Variants in UBE2F observed in about 807,000 individuals in gnomAD.
UBE2F encodes the protein ubiquitin conjugating enzyme E2 F (putative), also known as NEDD8-conjugating enzyme UBE2F.
In UBE2F, 5 loss-of-function variants were observed where a neutral mutation model predicts 29.6. The observed-to-expected ratio is 0.17, with a 90% CI of 0.09 to 0.36. UBE2F has a LOEUF of 0.36. Ranked by LOEUF, UBE2F falls within the 10% of genes least tolerant of loss-of-function variation. The probability of loss-of-function intolerance (pLI) is 1.00; values close to 1 mark genes in which losing one functional copy is unlikely to be tolerated. For missense variants in UBE2F, 141 were observed against 228.5 expected (o/e 0.62, Z 2.47); for synonymous variants, 66 against 81.8 (o/e 0.81, Z 1.04).
chr2:238,011,477 C>A (rs1050950708), intron 4 of UBE2F, among the ~76,000 whole-genome samples: 1 of 152,200 alleles, frequency 6.6e-6, no homozygotes, highest in Non-Finnish European at 1.5e-5. Flanking sequence ...CTAGAATATA[C>A]GCTTCATAAG....
chr2:237,967,327 C>T lies in UBE2F; in HGVS notation c.-17+195C>T, dbSNP rs2063075825. 1.4e-5 allele frequency among the ~76,000 whole-genome samples: 2 copies of T among 146,664 alleles called. No homozygotes were observed. Among genetic ancestry groups the T allele is most frequent in the East Asian group, 3.9e-4 (2 of 5,106 alleles). On this transcript the variant is annotated intron_variant, in intron 1 of 9. Coordinates refer to ENST00000272930, the MANE Select transcript of UBE2F (RefSeq NM_080678.3). This position sits in a 1 kb window ranked among gnomAD's most constrained non-coding sequence, Gnocchi z 6.3. ...GGCGTGAATGGGAAGGGGCCGCGGG[C>T]CGCGGGCCGCGAGCCGGGGGTCGGA...
intron 4 of UBE2F, among the ~76,000 whole-genome samples, chr2:238,014,995 A>T (rs138658287): frequency 7.9e-5 from 12 of 152,372 alleles, no homozygotes; most frequent in African/African-American, 2.9e-4. Context: ...GGCTAGAATA[A>T]TAAACGCCGT....
chr2:237,974,160 ATT>A (rs375237774), intron 2 of UBE2F, among the ~76,000 whole-genome samples: 4 of 137,564 alleles, frequency 2.9e-5, no homozygotes, highest in Non-Finnish European at 3.1e-5. Flanking sequence ...CGCCCAGCTC[ATT>A]TTTTTTTTTT....
At chr2:238,038,428 C>T (rs1242343410) in intron 9 of UBE2F, among the ~76,000 whole-genome samples, 4 of 152,192 alleles carry the variant, frequency 2.6e-5, no homozygotes, top group South Asian at 2.1e-4. Flanking sequence ...CTTGGTACTG[C>T]GCTGACAAGC....
rs1214147145 is a variant in UBE2F at position 238,013,504 on chromosome 2, A to AG, written c.215-3056dup. On this transcript the variant is annotated intron_variant, in intron 4 of 9. Coordinates refer to ENST00000272930, the MANE Select transcript of UBE2F (RefSeq NM_080678.3). ...AGATGGGAGGTAGGCCTTTTTTTGC[A>AG]GGGGGGAAGAAGGTTGTAGAAGAGG... 2.3e-5 allele frequency among the ~76,000 whole-genome samples: 3 copies of AG among 129,636 alleles called. No individual in the cohort carries two copies. In the East Asian group the frequency reaches 8.2e-4, roughly 35 times the overall value. The allele number at this position is 129,636 out of a possible 152,430, so 85.0% of individuals were successfully genotyped here.
intron 9 of UBE2F, among the ~76,000 whole-genome samples, chr2:238,037,532 G>A (rs575178997): frequency 2.6e-5 from 4 of 152,364 alleles, no homozygotes; most frequent in East Asian, 1.9e-4. Flanking sequence ...GTAGAACCTC[G>A]CACTCCGTTT....
intron 4 of UBE2F, among the ~76,000 whole-genome samples, chr2:238,007,534 A>G (rs185557810): frequency 7.3e-4 from 111 of 151,316 alleles, no homozygotes; most frequent in African/African-American, 2.5e-3. Context: ...TTTTTTAATC[A>G]TGAATGGATG....
At chr2:237,985,828 G>T (rs2063470539) in intron 2 of UBE2F, among the ~76,000 whole-genome samples, 1 of 152,064 alleles carries the variant, frequency 6.6e-6, no homozygotes. Context: ...AGTATACAAG[G>T]GTTCTCTTTT....
At chr2:238,010,374 T>C (rs1016847619) in intron 4 of UBE2F, among the ~76,000 whole-genome samples, 6 of 152,206 alleles carry the variant, frequency 3.9e-5, no homozygotes, top group African/African-American at 2.4e-5. Context: ...GGTTTCACCA[T>C]GTTGGCCAGG....
chr2:238,006,498 A>G (rs1186926944), intron 4 of UBE2F, among the ~76,000 whole-genome samples: 1 of 151,912 alleles, frequency 6.6e-6, no homozygotes, highest in African/African-American at 2.4e-5. Context: ...ATAAAAATAC[A>G]GCTGATTTTT....
At chr2:238,011,139 C>T (rs561232633) in intron 4 of UBE2F, among the ~76,000 whole-genome samples, 144 of 152,334 alleles carry the variant, frequency 9.5e-4, no homozygotes, top group African/African-American at 2.3e-3. Flanking sequence ...CCTACTCAGA[C>T]CCCTTTCATG....
chr2:238,041,127 G>A (rs2064829906), intron 9 of UBE2F, among the ~76,000 whole-genome samples, 161 bp from the exon 10 acceptor site: 1 of 152,100 alleles, frequency 6.6e-6, no homozygotes, highest in Non-Finnish European at 1.5e-5. Flanking sequence ...AGGTCGTGGC[G>A]AAATGGCACT....
intron 5 of UBE2F, among the ~76,000 whole-genome samples, chr2:238,020,770 A>G (rs2064272599): frequency 6.6e-6 from 1 of 152,184 alleles, no homozygotes; most frequent in Non-Finnish European, 1.5e-5. Flanking sequence ...CAGTTTAGAA[A>G]CTGTCCAAAC....
chr2:237,988,488 T>A (rs1450745471), intron 3 of UBE2F, among the ~76,000 whole-genome samples: 1 of 151,668 alleles, frequency 6.6e-6, no homozygotes, highest in Non-Finnish European at 1.5e-5. Context: ...TGGTGCTGCA[T>A]CACTGTAGCC....
chr2:237,972,282 C>T (rs1018890672), intron 1 of UBE2F, among the ~76,000 whole-genome samples: 8 of 152,188 alleles, frequency 5.3e-5, no homozygotes, highest in African/African-American at 1.7e-4. Flanking sequence ...CCTCTTCCAC[C>T]AGAGGCTGTG....
intron 4 of UBE2F, among the ~76,000 whole-genome samples, chr2:237,995,935 T>C (rs1052118671): frequency 2.0e-5 from 3 of 152,226 alleles, no homozygotes; most frequent in Admixed American, 6.5e-5. Context: ...TTTTCTTTCT[T>C]GTTTTTTCTA....
At chr2:237,973,579 A>C in intron 2 of UBE2F, 1 of 836,802 alleles carries the variant, frequency 1.2e-6, no homozygotes, top group Non-Finnish European at 1.7e-6. Flanking sequence ...TCAGCACCAT[A>C]GTTTCTGCTC....
chr2:238,025,494 G>A (rs2106397205), intron 6 of UBE2F, 82 bp downstream of exon 6: 1 of 1,316,872 alleles, frequency 7.6e-7, no homozygotes, highest in South Asian at 1.3e-5. Context: ...TGTCTCCTCT[G>A]AAAAGATTTT....
chr2:237,985,668 A>G (rs2063466896), intron 2 of UBE2F, among the ~76,000 whole-genome samples: 1 of 152,268 alleles, frequency 6.6e-6, no homozygotes, highest in African/African-American at 2.4e-5. Flanking sequence ...ATGGAAGTGC[A>G]GATATCTGTT....
Sources: allele counts gnomAD v4.1 joint callset (sites outside exome capture counted in the v4.1 genomes callset), GRCh38; gene constraint gnomAD v4.1.1; non-coding constraint Gnocchi (gnomAD v3.1); transcripts MANE v1.5; gene names NCBI Gene and HGNC (gene_info 2026-07-23, HGNC 2026-07-21).